DNAH11: variants seen among roughly 807,000 people sequenced by gnomAD.
DNAH11 encodes dynein axonemal heavy chain 11, also known as axonemal beta dynein heavy chain 11.
Under a neutral mutation model 526.0 loss-of-function variants are expected in DNAH11, and 442 were observed. The observed-to-expected ratio is 0.84, with a 90% CI of 0.78 to 0.91. DNAH11 has a LOEUF of 0.91. Ranked by LOEUF, DNAH11 falls within the 40% of genes least tolerant of loss-of-function variation. The pLI is 0.00. For missense variants in DNAH11, 6,989 were observed against 5,448.7 expected, an observed-to-expected ratio of 1.28 and a Z score of -8.90; for synonymous variants, 2,461 against 1,935.9, an observed-to-expected ratio of 1.27 and a Z score of -7.12.
At chr7:21,754,024 C>G (rs371059256) in intron 54 of DNAH11, among the ~76,000 whole-genome samples, 3 of 152,260 alleles carry the variant, frequency 2.0e-5, no homozygotes, top group East Asian at 3.9e-4. Context: ...CTTACTGTCT[C>G]TCTTATAGTT....
At chr7:21,563,285 T>G (rs1376776130) in intron 5 of DNAH11, among the ~76,000 whole-genome samples, 4 of 152,096 alleles carry the variant, frequency 2.6e-5, no homozygotes, top group Non-Finnish European at 5.9e-5. Flanking sequence ...CATGGCTCAC[T>G]GCAGCCTCGA....
intron 60 of DNAH11, among the ~76,000 whole-genome samples, chr7:21,788,615 A>G (rs1788295552): frequency 6.6e-6 from 1 of 152,132 alleles, no homozygotes; most frequent in Admixed American, 6.5e-5. Context: ...AAATTCTCAG[A>G]TGGTCCATTC....
At chr7:21,642,308 T>C (rs1349331509) in intron 28 of DNAH11, among the ~76,000 whole-genome samples, 1 of 152,140 alleles carries the variant, frequency 6.6e-6, no homozygotes, top group Non-Finnish European at 1.5e-5. Context: ...CAAGAGTGAC[T>C]TGTTGAGAAG....
intron 25 of DNAH11, among the ~76,000 whole-genome samples, chr7:21,635,261 G>T (rs187399527): frequency 1.3e-5 from 2 of 152,054 alleles, no homozygotes; most frequent in Non-Finnish European, 2.9e-5. Flanking sequence ...GGTTCACACC[G>T]TTCTCCTGCC....
intron 62 of DNAH11, among the ~76,000 whole-genome samples, chr7:21,804,136 T>G (rs1472199605): frequency 6.6e-6 from 1 of 151,778 alleles, no homozygotes; most frequent in East Asian, 1.9e-4. Flanking sequence ...TGAGACGGAG[T>G]CTTGCTCTGT....
intron 8 of DNAH11, among the ~76,000 whole-genome samples, chr7:21,578,701 C>T (rs938711309): frequency 1.8e-4 from 27 of 152,342 alleles, no homozygotes; most frequent in African/African-American, 6.5e-4. Context: ...TCTGCCTAGA[C>T]ATCCAGGTGT....
intron 77 of DNAH11, 136 bp downstream of exon 77, chr7:21,892,803 A>G (rs1668651014): frequency 9.9e-7 from 1 of 1,009,782 alleles, no homozygotes; most frequent in African/African-American, 1.6e-5. Flanking sequence ...GATCAAAATA[A>G]CATTTCCAAC....
chr7:21,545,677 G>C (rs1052743627), intron 2 of DNAH11, among the ~76,000 whole-genome samples: 2 of 152,164 alleles, frequency 1.3e-5, no homozygotes, highest in African/African-American at 4.8e-5. Flanking sequence ...TCTTAAAATA[G>C]AGAAATAGTC....
intron 63 of DNAH11, among the ~76,000 whole-genome samples, chr7:21,809,393 G>A (rs752020106): frequency 2.5e-4 from 38 of 152,168 alleles, no homozygotes; most frequent in Admixed American, 5.2e-4. Context: ...AGCTTGATAC[G>A]ATCCCACTTT....
At chr7:21,885,209 T>G (rs1381906716) in intron 76 of DNAH11, among the ~76,000 whole-genome samples, 1 of 129,918 alleles carries the variant, frequency 7.7e-6, no homozygotes, top group African/African-American at 2.8e-5. Context: ...TATGACACAA[T>G]GGGAAATTAA....
At chr7:21,544,638 C>A (rs1204859031) in intron 1 of DNAH11, among the ~76,000 whole-genome samples, 2 of 152,064 alleles carry the variant, frequency 1.3e-5, no homozygotes, top group African/African-American at 4.8e-5. Flanking sequence ...TGGCTTATTT[C>A]CAAACCAGAG....
chr7:21,784,229 G>A (rs1788076780), intron 57 of DNAH11, among the ~76,000 whole-genome samples, 198 bp from the exon 58 acceptor site: 2 of 152,180 alleles, frequency 1.3e-5, no homozygotes, highest in South Asian at 4.1e-4. Context: ...ATTTGTTACT[G>A]TGTGTTTTTT....
chr7:21,575,554 T>C (rs1362633184), intron 8 of DNAH11, among the ~76,000 whole-genome samples: 6 of 152,234 alleles, frequency 3.9e-5, no homozygotes, highest in African/African-American at 1.2e-4. Flanking sequence ...ATACACAGCA[T>C]TTTCATGTTT....
intron 14 of DNAH11, among the ~76,000 whole-genome samples, chr7:21,593,099 A>G (rs776439790): frequency 1.2e-4 from 18 of 152,336 alleles, no homozygotes; most frequent in Non-Finnish European, 1.8e-4. Context: ...AGGCCCAAAA[A>G]CTAGCCTCGA....
Position 21,830,004 on chromosome 7 carries a change from G to C in DNAH11, c.10691+11665G>C, listed in dbSNP as rs573703123. Among the ~76,000 whole-genome samples the C allele has an allele frequency of 5.3e-5, 8 of 152,366 alleles. No homozygotes were observed. The South Asian group carries it at 1.7e-3, about 32-fold the overall frequency. On this transcript the variant is annotated intron_variant, in intron 65 of 81. Transcript: ENST00000409508. Reference sequence around the variant, plus strand: ...GACTTTCCGTGATTTGAAGAAGTTAGACGTCTTTTTGCCCCAGGACACTAA... The same window carrying C: ...GACTTTCCGTGATTTGAAGAAGTTACACGTCTTTTTGCCCCAGGACACTAA...
intron 49 of DNAH11, among the ~76,000 whole-genome samples, chr7:21,743,022 C>T (rs1168108948): frequency 2.0e-5 from 3 of 152,290 alleles, no homozygotes; most frequent in East Asian, 3.9e-4. Context: ...GGGCAAATGC[C>T]CAGCACCCCT....
rs377731419 is a variant in DNAH11, at chr7:21,868,900, T to C, written c.11876T>C (p.Phe3959Ser). Reference sequence around the variant, plus strand: ...GGCTTTACAATTGACTCTGGAAAATTCCACAATGTGTCTTTAGGACAAGGT... The same window carrying C: ...GGCTTTACAATTGACTCTGGAAAATCCCACAATGTGTCTTTAGGACAAGGT... ...RLGFTIDSGK[F>S]HNVSLGQGQE... The change falls in exon 73 of 82, where the codon TTC becomes TCC. Residue 3959 changes from phenylalanine (F) to serine (S), a missense_variant. Physicochemically the swap from Phe to Ser is radical, Grantham distance 155. Coordinates refer to ENST00000409508, the MANE Select transcript of DNAH11 (RefSeq NM_001277115.2). 2 of 1,613,892 alleles carry C rather than the reference T, an allele frequency of 1.2e-6. No homozygotes were observed. Among genetic ancestry groups the C allele is most frequent in the Non-Finnish European group, 1.7e-6 (2 of 1,179,884 alleles).
At chr7:21,571,086 G>C (rs1242992369) in intron 7 of DNAH11, among the ~76,000 whole-genome samples, 1 of 152,102 alleles carries the variant, frequency 6.6e-6, no homozygotes, top group East Asian at 1.9e-4. Context: ...ATGAAGGGCA[G>C]CTTACATATG....
At chr7:21,679,520 C>T (rs1342663424) in intron 30 of DNAH11, among the ~76,000 whole-genome samples, 1 of 152,178 alleles carries the variant, frequency 6.6e-6, no homozygotes, top group Non-Finnish European at 1.5e-5. Context: ...GTTTTCCAGT[C>T]ATACCTCAAT....
Sources: allele counts gnomAD v4.1 joint callset (sites outside exome capture counted in the v4.1 genomes callset), GRCh38; gene constraint gnomAD v4.1.1; transcripts MANE v1.5; gene names NCBI Gene and HGNC (gene_info 2026-07-23, HGNC 2026-07-21).